The following AHCYL2 variants were observed in gnomAD, a reference collection of about 807,000 sequenced individuals.
AHCYL2 encodes the protein S-adenosylhomocysteine hydrolase-like protein 2.
AHCYL2 carries 28 observed loss-of-function variants against 81.4 expected under a neutral mutation model. The observed-to-expected ratio is 0.34, with a 90% CI of 0.25 to 0.47. The LOEUF (loss-of-function observed/expected upper bound fraction) is 0.47, where lower values mean the gene tolerates loss of function less well. Among genes scored for constraint, AHCYL2 ranks in the 20% least tolerant of loss-of-function variants. The pLI, the probability that AHCYL2 is intolerant of heterozygous loss-of-function variation, is 1.00. For synonymous variants in AHCYL2, 272 were observed against 290.2 expected (o/e 0.94, Z 0.64); for missense variants, 551 against 785.1 (o/e 0.70, Z 3.56).
chr7:129,410,056 TA>T, intron 11 of AHCYL2: 1 of 1,133,388 alleles, frequency 8.8e-7, no homozygotes, highest in Non-Finnish European at 1.2e-6. Context: ...ATCTGGTTTG[TA>T]CTTCTGCCAT....
intron 1 of AHCYL2, among the ~76,000 whole-genome samples, chr7:129,265,981 A>C (rs1209054497): frequency 6.6e-6 from 1 of 152,198 alleles, no homozygotes; most frequent in Non-Finnish European, 1.5e-5. Flanking sequence ...GTTTTGGATG[A>C]CTTCAAAGTC....
intron 12 of AHCYL2, among the ~76,000 whole-genome samples, chr7:129,420,207 C>A (rs1468832912): frequency 6.6e-6 from 1 of 152,194 alleles, no homozygotes; most frequent in Non-Finnish European, 1.5e-5. Flanking sequence ...TTCTGCCATA[C>A]CTTTCTTCCC....
intron 1 of AHCYL2, among the ~76,000 whole-genome samples, chr7:129,347,406 CTCTT>C (rs1358553773): frequency 1.3e-5 from 2 of 152,174 alleles, no homozygotes; most frequent in East Asian, 1.9e-4. Flanking sequence ...TATGGGAACT[CTCTT>C]TCTCCTCAAT....
chr7:129,304,306 A>G (rs1797349379), intron 1 of AHCYL2, among the ~76,000 whole-genome samples: 1 of 152,216 alleles, frequency 6.6e-6, no homozygotes, highest in South Asian at 2.1e-4. Context: ...CTAACATATA[A>G]TCTGTCCTTG....
intron 1 of AHCYL2, among the ~76,000 whole-genome samples, chr7:129,267,552 A>G (rs1795859158): frequency 6.6e-6 from 1 of 151,970 alleles, no homozygotes; most frequent in Admixed American, 6.6e-5. Context: ...TCATCTGCCC[A>G]CCTTGGCCTC....
intron 1 of AHCYL2, among the ~76,000 whole-genome samples, chr7:129,344,342 C>A (rs1793287581): frequency 1.3e-5 from 2 of 152,112 alleles, no homozygotes; most frequent in Non-Finnish European, 2.9e-5. Context: ...GGAAACAACA[C>A]CACATGTCCA....
rs755038357 is a variant in AHCYL2, at chr7:129,405,834, A to G, written c.1143-2A>G. The G allele has an allele frequency of 6.2e-7, 1 of 1,608,384 alleles. No homozygotes were observed. Among genetic ancestry groups the G allele is most frequent in the Non-Finnish European group, 8.5e-7 (1 of 1,177,128 alleles). On this transcript the variant is annotated splice_acceptor_variant, in intron 8 of 16. Transcript: ENST00000325006. LOFTEE classifies it high-confidence loss of function. The stretch of plus-strand genomic sequence containing the variant: ...CTGATTTAATGTTTTTTTTTCCCCT[A>G]GACTTAAAAGGACAACAGACATGAT...
chr7:129,313,261 T>C (rs1369889945), intron 1 of AHCYL2, among the ~76,000 whole-genome samples: 1 of 152,204 alleles, frequency 6.6e-6, no homozygotes, highest in African/African-American at 2.4e-5. Context: ...ATTTTTGTTT[T>C]TAGAGAATAA....
At chr7:129,342,334 A>G (rs763384434) in intron 1 of AHCYL2, among the ~76,000 whole-genome samples, 1 of 152,210 alleles carries the variant, frequency 6.6e-6, no homozygotes, top group African/African-American at 2.4e-5. Flanking sequence ...AGTAAGAGTC[A>G]TGACTCAGTT....
intron 1 of AHCYL2, among the ~76,000 whole-genome samples, chr7:129,313,298 AGAG>A (rs1797724175): frequency 6.6e-6 from 1 of 152,200 alleles, no homozygotes; most frequent in African/African-American, 2.4e-5. Context: ...TTGGGAGTAC[AGAG>A]GAGGTGATAG....
chr7:129,340,442 C>G (rs1317375182), intron 1 of AHCYL2, among the ~76,000 whole-genome samples: 1 of 151,222 alleles, frequency 6.6e-6, no homozygotes, highest in East Asian at 2.0e-4. Context: ...GTGGCAGTTG[C>G]CTATAGTCCC....
rs147772210 is a variant in AHCYL2 at position 129,301,610 on chromosome 7, A to T, written c.363+76171A>T. Among the ~76,000 whole-genome samples, 494 of 152,316 alleles carry T rather than the reference A, an allele frequency of 3.2e-3. 18 individuals carry two copies. In the East Asian group the frequency reaches 0.084, roughly 26 times the overall value. Reference sequence around the variant, plus strand: ...CCAGTTTTCCCAGCACCGTTTATTGAAGAGACTGTTCTTTCCCCAATGTAT... The same window carrying T: ...CCAGTTTTCCCAGCACCGTTTATTGTAGAGACTGTTCTTTCCCCAATGTAT... On this transcript the variant is annotated intron_variant, in intron 1 of 16. Transcript: ENST00000325006.
rs1019627938 is a variant in AHCYL2, at chr7:129,406,637, G to C, written c.1295+171G>C. Among the ~76,000 whole-genome samples the C allele has an allele frequency of 6.6e-6, 1 of 152,192 alleles. No homozygotes were observed. The highest frequency in any genetic ancestry group is 2.4e-5 in the African/African-American group (1 of 41,444). ...AGGAGCTCTGCTTGGAGAGAGCAGAGACTATCAGAAAAGCGAAAATTTAGA... is the reference window on the plus strand; with the variant it reads ...AGGAGCTCTGCTTGGAGAGAGCAGACACTATCAGAAAAGCGAAAATTTAGA... On this transcript the variant is annotated intron_variant, in intron 10 of 16. Coordinates refer to ENST00000325006, the MANE Select transcript of AHCYL2 (RefSeq NM_015328.4). This position sits in a 1 kb window ranked among gnomAD's most constrained non-coding sequence, Gnocchi z 4.3.
chr7:129,397,917 G>A (rs898616519), intron 5 of AHCYL2, among the ~76,000 whole-genome samples: 1 of 152,156 alleles, frequency 6.6e-6, no homozygotes, highest in African/African-American at 2.4e-5. Context: ...AAGATTTTAT[G>A]GCTGTATATA....
intron 1 of AHCYL2, among the ~76,000 whole-genome samples, chr7:129,264,486 A>G (rs1795749714): frequency 6.6e-6 from 1 of 152,244 alleles, no homozygotes; most frequent in Non-Finnish European, 1.5e-5. Context: ...GATAAGAAGG[A>G]AAGGAAGAAA....
rs143826776 is a variant in AHCYL2, at chr7:129,312,138, G to A, written c.364-67500G>A. Among the ~76,000 whole-genome samples, 56 of 152,126 alleles carry A rather than the reference G, an allele frequency of 3.7e-4. 1 individual carries two copies. Among genetic ancestry groups the A allele is most frequent in the African/African-American group, 1.2e-3 (51 of 41,508 alleles). ...TGAGTAGCTGGGACCAGGCTGGAGT[G>A]CAGTGGCGTGATCACGGCTCACTGT... On this transcript the variant is annotated intron_variant, in intron 1 of 16. Transcript: ENST00000325006.
chr7:129,238,822 G>A (rs918343689), intron 1 of AHCYL2, among the ~76,000 whole-genome samples: 2 of 152,098 alleles, frequency 1.3e-5, no homozygotes, highest in African/African-American at 4.8e-5. Flanking sequence ...GTGGTGGGGC[G>A]GGTGCCTGTA....
intron 1 of AHCYL2, among the ~76,000 whole-genome samples, chr7:129,310,160 G>T (rs1461651497): frequency 1.3e-5 from 2 of 151,684 alleles, no homozygotes; most frequent in Non-Finnish European, 2.9e-5. Flanking sequence ...TTGATCTTCA[G>T]TCTTTCCCTC....
chr7:129,306,460 C>T (rs1168762635), intron 1 of AHCYL2, among the ~76,000 whole-genome samples: 1 of 152,014 alleles, frequency 6.6e-6, no homozygotes, highest in African/African-American at 2.4e-5. Context: ...TCAATTTCAT[C>T]GTTAAGTTTA....
Sources: gnomAD v4.1 joint callset for allele counts (sites outside exome capture counted in the v4.1 genomes callset) on GRCh38, gnomAD v4.1.1 for gene constraint, Gnocchi (gnomAD v3.1) non-coding constraint, MANE v1.5 for transcripts, NCBI Gene and HGNC (gene_info 2026-07-23, HGNC 2026-07-21) for gene names.